The following ADCY1 variants were observed in gnomAD, a reference collection of about 807,000 sequenced individuals.
The protein encoded by ADCY1 is adenylate cyclase type 1.
A neutral mutation model predicts 105.4 loss-of-function variants in ADCY1; 28 were observed. The ratio of observed to expected loss-of-function variants is 0.27; its 90% CI spans 0.20 to 0.36. The LOEUF (loss-of-function observed/expected upper bound fraction) is 0.36. Ranked by LOEUF, ADCY1 falls within the 10% of genes least tolerant of loss-of-function variation. The pLI is 1.00. For synonymous variants in ADCY1, 655 were observed against 623.8 expected, an observed-to-expected ratio of 1.05 and a Z score of -0.75; for missense variants, 977 against 1,434.2, an observed-to-expected ratio of 0.68 and a Z score of 5.15.
At position 45,720,762 on chromosome 7, in the gene ADCY1, T is replaced by A. The variant is rs559281815; in HGVS notation, c.*6767T>A. 2 of 152,304 alleles carry A rather than the reference T, an allele frequency of 1.3e-5. No homozygotes were observed. The highest frequency in any genetic ancestry group is 4.8e-5 in the African/African-American group (2 of 41,562). 9.4% of individuals were successfully genotyped at this position (152,304 alleles called of 1,614,324 possible). ...GGTTACCACAGTCTCCATGGGTCTT[T>A]TGCCGTGACCACAAATAAAGGAAAC... On this transcript the variant is annotated 3_prime_UTR_variant, in exon 20 of 20. Transcript: ENST00000297323.
intron 8 of ADCY1, among the ~76,000 whole-genome samples, chr7:45,669,601 A>C (rs1784326763): frequency 6.6e-6 from 1 of 152,150 alleles, no homozygotes; most frequent in Non-Finnish European, 1.5e-5. Flanking sequence ...AAGAATGTAT[A>C]TTCTGTTGAT....
rs552696336 is a variant in ADCY1, at chr7:45,678,282, G to A, written c.1898+19G>A. On this transcript the variant is annotated intron_variant, in intron 10 of 19. Coordinates refer to ENST00000297323, the MANE Select transcript of ADCY1 (RefSeq NM_021116.4). Reference sequence around the variant, plus strand: ...TCCCACAGTGAGTATTTCTATCAACGAGGTGAGGAACTCACCAAGAAGTCC... The same window carrying A: ...TCCCACAGTGAGTATTTCTATCAACAAGGTGAGGAACTCACCAAGAAGTCC... 1.1e-5 allele frequency: 17 copies of A among 1,606,432 alleles called. No individual in the cohort carries two copies. The highest frequency in any genetic ancestry group is 4.5e-5 in the East Asian group (2 of 44,858).
rs1792328601 is a variant in ADCY1 at position 45,575,859 on chromosome 7, G to A, written c.639+677G>A. On this transcript the variant is annotated intron_variant, in intron 1 of 19. Coordinates refer to ENST00000297323, the MANE Select transcript of ADCY1 (RefSeq NM_021116.4). The surrounding 1 kb of genome is among the most constrained non-coding windows in gnomAD (Gnocchi z 4.7). ...AACTTTGTCACTGTCTTCCCAGTCGGGCGGGCGAGATGGTTGCAAGGACGG... is the reference window on the plus strand; with the variant it reads ...AACTTTGTCACTGTCTTCCCAGTCGAGCGGGCGAGATGGTTGCAAGGACGG... Among the ~76,000 whole-genome samples the A allele has an allele frequency of 6.6e-6, 1 of 152,248 alleles. No individual in the cohort carries two copies. Among genetic ancestry groups the A allele is most frequent in the South Asian group, 2.1e-4 (1 of 4,832 alleles).
At chr7:45,587,351 C>T (rs1000810819) in intron 1 of ADCY1, among the ~76,000 whole-genome samples, 10 of 152,104 alleles carry the variant, frequency 6.6e-5, no homozygotes, top group Non-Finnish European at 1.3e-4. Flanking sequence ...AGGGAGGTGG[C>T]GCTCCATCCA....
In ADCY1 at chr7:45,722,126, G is replaced by GT. The variant is rs946490050; in HGVS notation, c.*8132dup. On this transcript the variant is annotated 3_prime_UTR_variant, in exon 20 of 20. Coordinates refer to ENST00000297323, the MANE Select transcript of ADCY1 (RefSeq NM_021116.4). ...TGGGCCCCAGGCACACGAAGCACAA[G>GT]TCTCAGGGGACCATTCCCACATTGG... The GT allele has an allele frequency of 2.3e-5, 7 of 308,468 alleles. No individual in the cohort carries two copies. The highest frequency in any genetic ancestry group is 4.1e-5 in the Non-Finnish European group (7 of 168,862). 19.1% of individuals were successfully genotyped at this position (308,468 alleles called of 1,614,324 possible). A position where few individuals can be genotyped will look rare whatever the true frequency, so the allele number is the denominator to read the frequency against.
chr7:45,635,500 G>A (rs1794376897), intron 4 of ADCY1, among the ~76,000 whole-genome samples: 1 of 147,342 alleles, frequency 6.8e-6, no homozygotes, highest in African/African-American at 2.5e-5. Context: ...AGAATTTATT[G>A]TTGTAAACTT....
intron 2 of ADCY1, among the ~76,000 whole-genome samples, chr7:45,602,359 C>T (rs1412696967): frequency 6.6e-6 from 1 of 152,108 alleles, no homozygotes; most frequent in African/African-American, 2.4e-5. Context: ...GCTTCCTCCT[C>T]CGCTGCCTGC....
rs184530636 is a variant in ADCY1 at position 45,695,600 on chromosome 7, C to G, written c.2455-7776C>G. Among the ~76,000 whole-genome samples the G allele has an allele frequency of 4.6e-5, 7 of 152,218 alleles. No individual in the cohort carries two copies. In the East Asian group the frequency reaches 1.2e-3, roughly 25 times the overall value. On this transcript the variant is annotated intron_variant, in intron 14 of 19. Transcript: ENST00000297323. ...TCTCCCTCCACAGCAGTCAAGATTT[C>G]ATATGCATGTGTGGCTGGAGGGTTT...
intron 1 of ADCY1, among the ~76,000 whole-genome samples, chr7:45,581,756 CAT>C (rs1233831576): frequency 6.6e-6 from 1 of 152,158 alleles, no homozygotes; most frequent in Non-Finnish European, 1.5e-5. Flanking sequence ...TCCATTTGAG[CAT>C]ATGAGTTATA....
At chr7:45,603,318 T>A (rs1292765693) in intron 2 of ADCY1, among the ~76,000 whole-genome samples, 1 of 152,204 alleles carries the variant, frequency 6.6e-6, no homozygotes, top group Non-Finnish European at 1.5e-5. Flanking sequence ...TTTGGATAAA[T>A]ACCTAGGAGT....
At chr7:45,605,483 C>G (rs1467949156) in intron 2 of ADCY1, among the ~76,000 whole-genome samples, 1 of 151,082 alleles carries the variant, frequency 6.6e-6, no homozygotes, top group Non-Finnish European at 1.5e-5. Context: ...AATTTTTTTT[C>G]TATTTTCATT....
At chr7:45,633,127 A>G (rs1794304905) in intron 4 of ADCY1, among the ~76,000 whole-genome samples, 1 of 152,208 alleles carries the variant, frequency 6.6e-6, no homozygotes, top group Non-Finnish European at 1.5e-5. Context: ...CATGTTGTCC[A>G]GGCTGGTCTT....
chr7:45,668,455 A>C (rs1401834884), intron 8 of ADCY1, among the ~76,000 whole-genome samples: 1 of 152,252 alleles, frequency 6.6e-6, no homozygotes, highest in Non-Finnish European at 1.5e-5. Context: ...ATGTTGAACC[A>C]GCCTTGCATC....
intron 2 of ADCY1, among the ~76,000 whole-genome samples, chr7:45,603,286 G>A (rs1793287782): frequency 6.6e-6 from 1 of 152,138 alleles, no homozygotes; most frequent in African/African-American, 2.4e-5. Context: ...ACAAGTTTTT[G>A]TGTGAACACA....
chr7:45,654,906 G>A (rs993030163), intron 5 of ADCY1, among the ~76,000 whole-genome samples: 3 of 152,148 alleles, frequency 2.0e-5, no homozygotes, highest in African/African-American at 4.8e-5. Flanking sequence ...TTGAGGTGAT[G>A]AGCTTGAGCC....
intron 3 of ADCY1, among the ~76,000 whole-genome samples, chr7:45,610,978 G>GT (rs1554318284): frequency 1.1e-4 from 2 of 18,720 alleles, no homozygotes; most frequent in Non-Finnish European, 2.3e-4. Context: ...TGGTGGAGGT[G>GT]GGGGGTGATA....
intron 2 of ADCY1, among the ~76,000 whole-genome samples, chr7:45,596,777 C>T (rs1280040910): frequency 6.6e-6 from 1 of 152,110 alleles, no homozygotes; most frequent in Non-Finnish European, 1.5e-5. Flanking sequence ...ATGGCTTGAC[C>T]GGTAGAGAGT....
intron 11 of ADCY1, chr7:45,680,437 T>C (rs1357439619): frequency 6.6e-6 from 1 of 152,520 alleles, no homozygotes; most frequent in East Asian, 1.9e-4. Context: ...CCTGCATTCC[T>C]TCATCACATT....
At chr7:45,672,198 A>G (rs909046465) in intron 8 of ADCY1, among the ~76,000 whole-genome samples, 4 of 152,180 alleles carry the variant, frequency 2.6e-5, no homozygotes, top group African/African-American at 7.2e-5. Context: ...TTGATAAGCT[A>G]TCCTTCCTCC....
Sources: allele counts gnomAD v4.1 joint callset (sites outside exome capture counted in the v4.1 genomes callset), GRCh38; gene constraint gnomAD v4.1.1; non-coding constraint Gnocchi (gnomAD v3.1); transcripts MANE v1.5; gene names NCBI Gene and HGNC (gene_info 2026-07-23, HGNC 2026-07-21).